The following PRKDC variants were observed in gnomAD, a reference collection of about 807,000 sequenced individuals.
PRKDC encodes the protein DNA-dependent protein kinase catalytic subunit.
Under a neutral mutation model 486.9 loss-of-function variants are expected in PRKDC, and 82 were observed. That is an observed-to-expected ratio of 0.17 (90% CI 0.14 to 0.20). The LOEUF (loss-of-function observed/expected upper bound fraction) is 0.20, where lower values mean the gene tolerates loss of function less well. Ranked by LOEUF, PRKDC falls within the 10% of genes least tolerant of loss-of-function variation. The pLI is 1.00. For synonymous variants in PRKDC, 1,895 were observed against 1,837.0 expected (o/e 1.03, Z -0.81); for missense variants, 4,504 against 5,038.2 (o/e 0.89, Z 3.21).
intron 18 of PRKDC, among the ~76,000 whole-genome samples, chr8:47,929,582 T>C (rs919970131): frequency 6.6e-6 from 1 of 152,224 alleles, no homozygotes; most frequent in African/African-American, 2.4e-5. Flanking sequence ...CAGAAAGCAA[T>C]GCTCAAGGCT....
intron 56 of PRKDC, among the ~76,000 whole-genome samples, chr8:47,838,867 C>G (rs892157262): frequency 6.6e-6 from 1 of 152,186 alleles, no homozygotes; most frequent in African/African-American, 2.4e-5. Flanking sequence ...TCATTACAGA[C>G]TTTCTTTTCA....
chr8:47,863,794 T>A (rs2088735019), intron 41 of PRKDC, among the ~76,000 whole-genome samples: 1 of 152,228 alleles, frequency 6.6e-6, no homozygotes, highest in Non-Finnish European at 1.5e-5. Flanking sequence ...AAATAATGTG[T>A]GACATCCAAA....
chr8:47,897,145 A>T lies in PRKDC; in HGVS notation c.3598+16T>A, dbSNP rs377193047. On this transcript the variant is annotated intron_variant, in intron 30 of 85. Transcript: ENST00000314191. ...AAAGCACCGTGGTGAAATTAAAGAT[A>T]TACAGATTACCATACCTGGCAATAA... The T allele has an allele frequency of 2.2e-5, 35 of 1,578,062 alleles. No individual in the cohort carries two copies. The highest frequency in any genetic ancestry group is 3.0e-5 in the Non-Finnish European group (34 of 1,152,496).
At chr8:47,937,830 G>A (rs892916808) in intron 11 of PRKDC, among the ~76,000 whole-genome samples, 1 of 152,206 alleles carries the variant, frequency 6.6e-6, no homozygotes, top group South Asian at 2.1e-4. Flanking sequence ...AAGAAAAAGG[G>A]AAAGGCTGGG....
At chr8:47,905,020 G>T in intron 25 of PRKDC, 44 bp from the exon 26 acceptor site, 1 of 1,384,184 alleles carries the variant, frequency 7.2e-7, no homozygotes, top group Non-Finnish European at 1.0e-6. Flanking sequence ...TCATGTTAAA[G>T]AAATGTTACG....
chr8:47,881,334 T>TA (rs1291961178), intron 38 of PRKDC, 82 bp downstream of exon 38: 2 of 881,708 alleles, frequency 2.3e-6, no homozygotes, highest in Non-Finnish European at 3.5e-6. Context: ...TTTTCCATAA[T>TA]AAAAAATAAA....
intron 74 of PRKDC, among the ~76,000 whole-genome samples, chr8:47,790,157 G>C (rs2086860798): frequency 6.6e-6 from 1 of 152,098 alleles, no homozygotes; most frequent in Non-Finnish European, 1.5e-5. Context: ...TATATTTGGA[G>C]GCACCTAAAG....
intron 25 of PRKDC, among the ~76,000 whole-genome samples, chr8:47,909,742 T>C (rs893244492): frequency 6.6e-6 from 1 of 152,194 alleles, no homozygotes; most frequent in Non-Finnish European, 1.5e-5. Context: ...ACAGCTGCTC[T>C]GGGAGTGTCT....
chr8:47,954,296 A>G, intron 5 of PRKDC, 42 bp downstream of exon 5: 2 of 858,192 alleles, frequency 2.3e-6, no homozygotes, highest in South Asian at 5.9e-5. Flanking sequence ...GTTAATATTA[A>G]TTTGCTAAAC....
intron 3 of PRKDC, among the ~76,000 whole-genome samples, chr8:47,956,284 C>T (rs2090698622): frequency 6.6e-6 from 1 of 152,120 alleles, no homozygotes. Flanking sequence ...ATCGCTTGAA[C>T]CCGGGAGACG....
chr8:47,797,187 T>G (rs1196920595), intron 73 of PRKDC, among the ~76,000 whole-genome samples: 2 of 152,306 alleles, frequency 1.3e-5, no homozygotes, highest in Non-Finnish European at 2.9e-5. Flanking sequence ...CGAGAGAGGC[T>G]ACTGGCTTCA....
intron 38 of PRKDC, among the ~76,000 whole-genome samples, chr8:47,880,411 C>T (rs1182532797): frequency 1.3e-5 from 2 of 152,186 alleles, no homozygotes; most frequent in African/African-American, 4.8e-5. Context: ...TTCTCCCTCG[C>T]ATGGCAGAAA....
intron 25 of PRKDC, among the ~76,000 whole-genome samples, chr8:47,911,119 T>C (rs554415281): frequency 2.0e-5 from 3 of 152,170 alleles, no homozygotes; most frequent in Non-Finnish European, 4.4e-5. Flanking sequence ...ATCTCCCAAA[T>C]AGTTAGTGGG....
Position 47,903,595 on chromosome 8 carries a change from G to C in PRKDC, c.3043-800C>G, listed in dbSNP as rs141669591. ...CAGCGCCAAGTGGTGATGCAGGGAAGAGCAGCTCTCACCAGGAAACCCACG... is the reference window on the plus strand; with the variant it reads ...CAGCGCCAAGTGGTGATGCAGGGAACAGCAGCTCTCACCAGGAAACCCACG... On this transcript the variant is annotated intron_variant, in intron 26 of 85. Coordinates refer to ENST00000314191, the MANE Select transcript of PRKDC (RefSeq NM_006904.7). Among the ~76,000 whole-genome samples the C allele has an allele frequency of 4.0e-3, 603 of 152,312 alleles. 4 individuals are homozygous for C. Among genetic ancestry groups the C allele is most frequent in the South Asian group, 0.025 (119 of 4,818 alleles).
At chr8:47,848,890 C>T (rs1466321547) in intron 54 of PRKDC, among the ~76,000 whole-genome samples, 1 of 152,138 alleles carries the variant, frequency 6.6e-6, no homozygotes, top group Non-Finnish European at 1.5e-5. Context: ...CCAAGGTAAC[C>T]CCATAGGCCA....
At chr8:47,824,711 A>C (rs546038353) in intron 63 of PRKDC, among the ~76,000 whole-genome samples, 47 of 152,272 alleles carry the variant, frequency 3.1e-4, no homozygotes, top group African/African-American at 1.1e-3. Context: ...GCATTCATTC[A>C]TCTCTTTACC....
chr8:47,959,750 G>A (rs2090780112), intron 1 of PRKDC, among the ~76,000 whole-genome samples: 1 of 152,086 alleles, frequency 6.6e-6, no homozygotes, highest in Admixed American at 6.6e-5. Flanking sequence ...ATTAGGGGTC[G>A]TTTTCACCAA....
chr8:47,951,724 GGAAA>G (rs112391082), intron 7 of PRKDC, among the ~76,000 whole-genome samples: 109,501 of 150,726 alleles, frequency 0.73, 43,345 homozygotes, highest in Non-Finnish European at 0.89. Flanking sequence ...CAAAAAAAAA[GGAAA>G]GAAAGAAAGA....
chr8:47,861,406 C>G (rs116967170), intron 44 of PRKDC, among the ~76,000 whole-genome samples: 442 of 152,264 alleles, frequency 2.9e-3, no homozygotes, highest in Non-Finnish European at 4.5e-3. Flanking sequence ...TTTTTTAGTT[C>G]TTTGAACATA....
Sources: allele counts gnomAD v4.1 joint callset (sites outside exome capture counted in the v4.1 genomes callset), GRCh38; gene constraint gnomAD v4.1.1; transcripts MANE v1.5; gene names NCBI Gene and HGNC (gene_info 2026-07-23, HGNC 2026-07-21).